The following JPH3 variants were observed in gnomAD, a reference collection of about 807,000 sequenced individuals.
JPH3 encodes the protein junctophilin-3.
A neutral mutation model predicts 59.6 loss-of-function variants in JPH3; 11 were observed. That is an observed-to-expected ratio of 0.18 (90% CI 0.12 to 0.31). The LOEUF is 0.31. JPH3 is among the 10% of genes least tolerant of loss of function. The probability of loss-of-function intolerance (pLI) is 1.00; values close to 1 mark genes in which losing one functional copy is unlikely to be tolerated. For missense variants in JPH3, 1,202 were observed against 1,105.7 expected (o/e 1.09, Z -1.24); for synonymous variants, 673 against 483.6 (o/e 1.39, Z -5.14).
intron 3 of JPH3, 34 bp downstream of exon 3, chr16:87,684,300 G>T (rs2033365208): frequency 6.2e-7 from 1 of 1,610,814 alleles, no homozygotes; most frequent in African/African-American, 1.3e-5. Context: ...TGGCATCGTG[G>T]GGAGGGGGTG....
At chr16:87,678,562 A>G (rs917662289) in intron 2 of JPH3, among the ~76,000 whole-genome samples, 15 of 152,194 alleles carry the variant, frequency 9.9e-5, no homozygotes, top group African/African-American at 2.9e-4. Context: ...ATATATATAT[A>G]TGTGTGTGTC....
chr16:87,684,375 C>T (rs1315788145), intron 3 of JPH3, 109 bp downstream of exon 3: 1 of 1,471,108 alleles, frequency 6.8e-7, no homozygotes, highest in East Asian at 2.5e-5. Context: ...TAGATGGGCT[C>T]AGCCCCAGCT....
chr16:87,657,683 C>T (rs757093605), intron 2 of JPH3, among the ~76,000 whole-genome samples: 4 of 152,172 alleles, frequency 2.6e-5, no homozygotes, highest in Non-Finnish European at 5.9e-5. Flanking sequence ...CTGTCTTGAG[C>T]CAGTCCATCT....
chr16:87,688,277 A>G (rs941044549), intron 3 of JPH3, among the ~76,000 whole-genome samples: 6 of 152,170 alleles, frequency 3.9e-5, no homozygotes, highest in Non-Finnish European at 8.8e-5. Context: ...CCCAAGCCCC[A>G]GGCCAGGGCC....
intron 2 of JPH3, among the ~76,000 whole-genome samples, chr16:87,666,767 C>G (rs1383517127): frequency 6.6e-6 from 1 of 152,182 alleles, no homozygotes; most frequent in Non-Finnish European, 1.5e-5. Context: ...AAGAGAACCC[C>G]TAATTTAGCT....
chr16:87,643,602 C>G (rs962440363), intron 1 of JPH3, among the ~76,000 whole-genome samples: 1 of 152,210 alleles, frequency 6.6e-6, no homozygotes, highest in African/African-American at 2.4e-5. Flanking sequence ...TCATTAGCCT[C>G]CTAACCCAGG....
chr16:87,642,077 C>G (rs890788341), intron 1 of JPH3, among the ~76,000 whole-genome samples: 1 of 152,082 alleles, frequency 6.6e-6, no homozygotes, highest in African/African-American at 2.4e-5. Flanking sequence ...GACAGAAAAG[C>G]CTGGAAGGAT....
At chr16:87,664,949 C>T (rs758905432) in intron 2 of JPH3, among the ~76,000 whole-genome samples, 10 of 152,224 alleles carry the variant, frequency 6.6e-5, no homozygotes, top group Non-Finnish European at 1.5e-4. Flanking sequence ...TTGCCTGTCC[C>T]CTGAAACCGC....
At chr16:87,695,300 G>A (rs1212347212) in intron 4 of JPH3, 5 of 455,942 alleles carry the variant, frequency 1.1e-5, no homozygotes, top group Middle Eastern at 3.2e-4. Context: ...CAGACTTGGG[G>A]GCTTAAAGGA....
chr16:87,621,058 C>T (rs1231304549), intron 1 of JPH3, among the ~76,000 whole-genome samples: 5 of 152,202 alleles, frequency 3.3e-5, no homozygotes, highest in Non-Finnish European at 5.9e-5. Flanking sequence ...ACTCAGGAGG[C>T]TGAGACAGGA....
At chr16:87,616,295 G>A (rs1221695898) in intron 1 of JPH3, among the ~76,000 whole-genome samples, 5 of 150,156 alleles carry the variant, frequency 3.3e-5, no homozygotes, top group African/African-American at 9.8e-5. Context: ...GAGCAGTGGC[G>A]CGATCTCAGC....
chr16:87,682,395 G>T (rs2033318081), intron 2 of JPH3, among the ~76,000 whole-genome samples: 1 of 152,156 alleles, frequency 6.6e-6, no homozygotes, highest in Admixed American at 6.5e-5. Flanking sequence ...CTAGGTGCAG[G>T]TGTTAATCCT....
chr16:87,643,593 CATT>C (rs1016322819), intron 1 of JPH3, among the ~76,000 whole-genome samples: 20 of 152,222 alleles, frequency 1.3e-4, no homozygotes, highest in African/African-American at 4.8e-4. Context: ...AGCTGCCACT[CATT>C]AGCCTCCTAA....
Position 87,603,539 on chromosome 16 carries a change from C to G in JPH3, c.382+11C>G. 1.3e-6 allele frequency: 2 copies of G among 1,540,820 alleles called. No individual in the cohort carries two copies. The highest frequency in any genetic ancestry group is 8.7e-7 in the Non-Finnish European group (1 of 1,143,286). ...CCTACTCGGACGGAGGTAGGTGCCG[C>G]GGGCCGGGCCGGGCCGGGGCGGGAG... is the stretch of plus-strand genomic sequence containing the variant. On this transcript the variant is annotated intron_variant, in intron 1 of 4. Transcript: ENST00000284262.
Position 87,657,451 on chromosome 16 carries a change from G to C in JPH3, c.1160+12416G>C, listed in dbSNP as rs538058434. Among the ~76,000 whole-genome samples the C allele has an allele frequency of 6.6e-5, 10 of 152,304 alleles. No individual in the cohort carries two copies. In the East Asian group the frequency reaches 1.7e-3, roughly 26 times the overall value. ...GTGTAGGGTTTCTGTTGAGGGCGAC[G>C]ACAGTACCCTGCAAGTGGACCGGTG... On this transcript the variant is annotated intron_variant, in intron 2 of 4. Coordinates refer to ENST00000284262, the MANE Select transcript of JPH3 (RefSeq NM_020655.4).
chr16:87,692,455 C>G (rs964828487), intron 4 of JPH3, among the ~76,000 whole-genome samples: 1 of 152,212 alleles, frequency 6.6e-6, no homozygotes, highest in Non-Finnish European at 1.5e-5. Context: ...TGCAGTGTCT[C>G]CCCTGGGCCA....
chr16:87,668,276 G>T (rs765854707), intron 2 of JPH3, among the ~76,000 whole-genome samples: 1 of 152,170 alleles, frequency 6.6e-6, no homozygotes, highest in Non-Finnish European at 1.5e-5. Context: ...CAGCGCTGCT[G>T]TCTCTTGTTT....
chr16:87,648,970 G>A (rs1041307952), intron 2 of JPH3, among the ~76,000 whole-genome samples: 4 of 152,306 alleles, frequency 2.6e-5, no homozygotes, highest in East Asian at 1.9e-4. Context: ...TGCTGCCGCC[G>A]GGAGGCCTTG....
At position 87,644,406 on chromosome 16, in the gene JPH3, G is replaced by A. The variant is rs749947688; in HGVS notation, c.531G>A (p.Leu177=). ...LRSEHTNGTA[L]HPDASPAVAG... The stretch of plus-strand genomic sequence containing the variant: ...GCGAGCACACCAACGGCACGGCGCT[G>A]CATCCCGACGCCTCTCCGGCGGTGG... Residue 177 remains leucine, a synonymous_variant, in exon 2 of 5, where the codon CTG becomes CTA. Transcript: ENST00000284262. 3.7e-6 allele frequency: 6 copies of A among 1,612,398 alleles called. No homozygotes were observed. Among genetic ancestry groups the A allele is most frequent in the Middle Eastern group, 3.3e-4 (2 of 6,082 alleles).
Sources: allele counts gnomAD v4.1 joint callset (sites outside exome capture counted in the v4.1 genomes callset), GRCh38; gene constraint gnomAD v4.1.1; transcripts MANE v1.5; gene names NCBI Gene and HGNC (gene_info 2026-07-23, HGNC 2026-07-21).